SLC26A8: variants seen among roughly 807,000 people sequenced by gnomAD.
SLC26A8 encodes the protein testis anion transporter 1.
SLC26A8 carries 70 observed loss-of-function variants against 105.0 expected under a neutral mutation model. The ratio of observed to expected loss-of-function variants is 0.67; its 90% CI spans 0.55 to 0.81. The LOEUF is 0.81. Ranked by LOEUF, SLC26A8 falls within the 40% of genes least tolerant of loss-of-function variation. The probability of loss-of-function intolerance (pLI) is 0.00; values close to 1 mark genes in which losing one functional copy is unlikely to be tolerated. For synonymous variants in SLC26A8, 415 were observed against 438.3 expected (o/e 0.95, Z 0.66); for missense variants, 998 against 1,181.8 (o/e 0.84, Z 2.28).
intron 11 of SLC26A8, among the ~76,000 whole-genome samples, chr6:35,968,635 A>G (rs532717799): frequency 0.067 from 7,259 of 107,802 alleles, 792 homozygotes; most frequent in African/African-American, 0.26. Flanking sequence ...ATATATATAT[A>G]TATATATATA....
chr6:36,017,976 C>T (rs533507034), intron 2 of SLC26A8, among the ~76,000 whole-genome samples: 55 of 152,154 alleles, frequency 3.6e-4, no homozygotes, highest in African/African-American at 5.5e-4. Context: ...CAAAAAACCA[C>T]GATGAGATAT....
chr6:35,970,018 C>G (rs903103912), intron 10 of SLC26A8, among the ~76,000 whole-genome samples: 1 of 152,116 alleles, frequency 6.6e-6, no homozygotes, highest in Non-Finnish European at 1.5e-5. Context: ...CTCATTATAT[C>G]CTCTATTGGT....
In SLC26A8 at chr6:35,943,924, C is replaced by T. The variant is rs1312748101; in HGVS notation, c.2889G>A (p.Glu963=). The change falls in exon 20 of 20, where the codon GAG becomes GAA. Residue 963 remains glutamate (E), a synonymous_variant. Transcript: ENST00000490799. ...RRHPMDSYSP[E]GNSNEDV is the part of the protein sequence containing the mutation. ...CCTAGACATCTTCATTGCTGTTGCC[C>T]TCTGGTGAGTATGAATCCATAGGAT... The T allele has an allele frequency of 1.2e-5, 19 of 1,613,936 alleles. No homozygotes were observed. Among genetic ancestry groups the T allele is most frequent in the Non-Finnish European group, 1.5e-5 (18 of 1,179,938 alleles).
intron 9 of SLC26A8, 82 bp from the exon 10 acceptor site, chr6:35,975,570 T>C (rs1295280889): frequency 2.7e-6 from 2 of 730,852 alleles, no homozygotes; most frequent in Non-Finnish European, 4.5e-6. Flanking sequence ...TGGTTTTTTT[T>C]TTTTATATGA....
chr6:36,001,808 A>G (rs955890280), intron 3 of SLC26A8, among the ~76,000 whole-genome samples: 1 of 152,210 alleles, frequency 6.6e-6, no homozygotes, highest in Non-Finnish European at 1.5e-5. Flanking sequence ...GTGAATATGG[A>G]GAAGCCAGAA....
intron 3 of SLC26A8, among the ~76,000 whole-genome samples, chr6:36,010,140 G>C (rs1761811773): frequency 1.3e-5 from 2 of 152,162 alleles, no homozygotes. Flanking sequence ...ACCTGTACGT[G>C]AATGTTCATA....
rs147963871 is a variant in SLC26A8 at position 35,962,449 on chromosome 6, C to A, written c.1461+77G>T. ...TGTGTTCTTTAGGTCCATGGCAGAT[C>A]TCTTTTGTTTGTTCTTTCTCCCTCT... On this transcript the variant is annotated intron_variant, in intron 12 of 19. Coordinates refer to ENST00000490799, the MANE Select transcript of SLC26A8 (RefSeq NM_052961.4). 3.4e-6 allele frequency: 4 copies of A among 1,181,128 alleles called. No individual in the cohort carries two copies. The African/African-American group carries it at 4.5e-5, about 13-fold the overall frequency. The allele number at this position is 1,181,128 out of a possible 1,614,324, so 73.2% of individuals were successfully genotyped here. A position where few individuals can be genotyped will look rare whatever the true frequency, so the allele number is the denominator to read the frequency against.
At chr6:35,998,947 T>G (rs563527851) in intron 4 of SLC26A8, among the ~76,000 whole-genome samples, 4 of 152,258 alleles carry the variant, frequency 2.6e-5, no homozygotes, top group Non-Finnish European at 5.9e-5. Flanking sequence ...CAGGCTGGAG[T>G]GCAATGGTGT....
rs774973253 is a variant in SLC26A8, at chr6:35,944,125, G to A, written c.2688C>T (p.Thr896=). 2.5e-6 allele frequency: 4 copies of A among 1,613,994 alleles called. No homozygotes were observed. The South Asian group carries it at 3.3e-5, about 13-fold the overall frequency. ...MEPKAETETK[T]QTEMEPQPET... ...CAGGCTGGGGCTCCATCTCGGTCTG[G>A]GTCTTGGTCTCGGTCTCAGCCTTGG... is the stretch of plus-strand genomic sequence containing the variant. The change falls in exon 20 of 20, where the codon ACC becomes ACT. Residue 896 remains threonine (T), a synonymous_variant. Coordinates refer to ENST00000490799, the MANE Select transcript of SLC26A8 (RefSeq NM_052961.4).
chr6:36,015,431 T>C (rs1761969849), intron 2 of SLC26A8, among the ~76,000 whole-genome samples: 1 of 152,174 alleles, frequency 6.6e-6, no homozygotes, highest in Non-Finnish European at 1.5e-5. Flanking sequence ...TCTCAAGCAT[T>C]GTGCTGTGCT....
intron 19 of SLC26A8, among the ~76,000 whole-genome samples, chr6:35,947,760 G>A (rs896474496): frequency 6.6e-5 from 10 of 152,020 alleles, no homozygotes; most frequent in African/African-American, 2.2e-4. Context: ...GCAAAACCCC[G>A]TCTCTGTGAA....
chr6:36,012,518 C>G (rs932141186), intron 2 of SLC26A8, 146 bp from the exon 3 acceptor site: 1 of 910,342 alleles, frequency 1.1e-6, no homozygotes, highest in Admixed American at 3.3e-5. Context: ...CCAGATAATT[C>G]TTTGTTGTTG....
At chr6:35,969,213 T>C in intron 10 of SLC26A8, 1 of 437,286 alleles carries the variant, frequency 2.3e-6, no homozygotes, top group Non-Finnish European at 4.3e-6. Flanking sequence ...CATTTGAATC[T>C]TTACTGCCAC....
chr6:35,992,423 G>A, intron 6 of SLC26A8, 87 bp downstream of exon 6: 3 of 1,369,630 alleles, frequency 2.2e-6, no homozygotes, highest in East Asian at 2.3e-5. Flanking sequence ...TTCAGAAGGG[G>A]CGGGAGTCTC....
At chr6:35,992,023 G>C (rs1301719513) in intron 6 of SLC26A8, among the ~76,000 whole-genome samples, 2 of 152,116 alleles carry the variant, frequency 1.3e-5, no homozygotes, top group Non-Finnish European at 2.9e-5. Flanking sequence ...AGAATAAGGA[G>C]AGAATACACT....
At chr6:35,947,674 T>C (rs1321488991) in intron 19 of SLC26A8, among the ~76,000 whole-genome samples, 1 of 152,168 alleles carries the variant, frequency 6.6e-6, no homozygotes, top group Admixed American at 6.5e-5. Flanking sequence ...CTCATGCCTG[T>C]AATCCCAGCA....
chr6:35,970,293 C>T (rs934560110), intron 10 of SLC26A8, among the ~76,000 whole-genome samples: 5 of 152,154 alleles, frequency 3.3e-5, no homozygotes, highest in Non-Finnish European at 5.9e-5. Flanking sequence ...TGCTATTTGC[C>T]TTATAAATGT....
At chr6:35,990,402 A>G in intron 7 of SLC26A8, 1 of 194,734 alleles carries the variant, frequency 5.1e-6, no homozygotes, top group Non-Finnish European at 1.0e-5. Context: ...TTGTGAATGC[A>G]TCTGGTTCTA....
At chr6:36,010,953 T>C (rs193052681) in intron 3 of SLC26A8, among the ~76,000 whole-genome samples, 4 of 152,292 alleles carry the variant, frequency 2.6e-5, no homozygotes, top group African/African-American at 9.6e-5. Context: ...TTATCTGTTT[T>C]CCCCAATTAA....
Sources: gnomAD v4.1 joint callset for allele counts (sites outside exome capture counted in the v4.1 genomes callset) on GRCh38, gnomAD v4.1.1 for gene constraint, MANE v1.5 for transcripts, NCBI Gene and HGNC (gene_info 2026-07-23, HGNC 2026-07-21) for gene names.